TPM4: variants seen among roughly 807,000 people sequenced by gnomAD.
TPM4 encodes the protein tropomyosin alpha-4 chain.
In TPM4, 17 loss-of-function variants were observed where a neutral mutation model predicts 35.8. The ratio of observed to expected loss-of-function variants is 0.47; its 90% CI spans 0.32 to 0.71. TPM4 has a LOEUF of 0.71. Among genes scored for constraint, TPM4 ranks in the 30% least tolerant of loss-of-function variants. TPM4 has a pLI of 0.03. For synonymous variants in TPM4, 120 were observed against 122.9 expected (o/e 0.98, Z 0.15); for missense variants, 240 against 320.9 (o/e 0.75, Z 1.93).
chr19:16,088,761 C>T, intron 4 of TPM4: 12 of 1,170,600 alleles, frequency 1.0e-5, no homozygotes, highest in Non-Finnish European at 1.2e-5. Flanking sequence ...ATAGATTTCA[C>T]AAGTCCTTGC....
At chr19:16,092,610 A>G (rs184495600) in intron 5 of TPM4, among the ~76,000 whole-genome samples, 32 of 150,400 alleles carry the variant, frequency 2.1e-4, no homozygotes, top group Admixed American at 4.0e-4. Context: ...ATCTGGCCTC[A>G]CTACAGCCTC....
chr19:16,093,337 A>G (rs1444739126), intron 5 of TPM4, among the ~76,000 whole-genome samples, 199 bp from the exon 6 acceptor site: 1 of 151,994 alleles, frequency 6.6e-6, no homozygotes. Flanking sequence ...CTGGGACTAC[A>G]GCTGCATGCC....
upstream of TPM4, chr19:16,075,910 C>T: frequency 1.6e-6 from 2 of 1,273,744 alleles, no homozygotes; most frequent in Non-Finnish European, 2.1e-6. Context: ...CTATCGCAAC[C>T]CCTGTTCTAC....
intron 7 of TPM4, among the ~76,000 whole-genome samples, chr19:16,097,920 C>G (rs1170321956): frequency 6.6e-6 from 1 of 152,154 alleles, no homozygotes; most frequent in East Asian, 1.9e-4. Context: ...CTCCCTGCTC[C>G]TAACTGCCGT....
At chr19:16,072,828 G>C (rs1373910334), upstream of TPM4, among the ~76,000 whole-genome samples, 2 of 152,130 alleles carry the variant, frequency 1.3e-5, no homozygotes, top group Non-Finnish European at 2.9e-5. Flanking sequence ...AAGCACTTGA[G>C]CCAGGGAGGT....
At chr19:16,088,455 A>C in intron 4 of TPM4, 1 of 1,087,768 alleles carries the variant, frequency 9.2e-7, no homozygotes, top group Non-Finnish European at 1.1e-6. Flanking sequence ...TCCCCCGGTC[A>C]GTATGTAAAT....
chr19:16,080,857 A>G (rs2090474272), intron 1 of TPM4: 1 of 394,606 alleles, frequency 2.5e-6, no homozygotes, highest in Non-Finnish European at 4.5e-6. Flanking sequence ...CCAGCCCAGC[A>G]CTTTTTGGCC....
intron 5 of TPM4, 127 bp downstream of exon 5, chr19:16,089,247 C>T: frequency 8.0e-7 from 1 of 1,248,786 alleles, no homozygotes. Context: ...TGGTGCCTGG[C>T]AGCCAGGGTT....
At chr19:16,088,447 C>T (rs2090586112) in intron 4 of TPM4, 2 of 1,111,214 alleles carry the variant, frequency 1.8e-6, no homozygotes, top group Non-Finnish European at 2.2e-6. Context: ...AGGCAGGCTC[C>T]CCCGGTCAGT....
intron 1 of TPM4, 109 bp from the exon 2 acceptor site, chr19:16,081,804 T>C: frequency 7.3e-7 from 1 of 1,378,854 alleles, no homozygotes; most frequent in African/African-American, 1.4e-5. Flanking sequence ...GACTCCTGGG[T>C]GGGCTTTGAC....
chr19:16,100,290 A>G (rs1375824526), intron 7 of TPM4: 1 of 152,206 alleles, frequency 6.6e-6, no homozygotes, highest in Non-Finnish European at 1.5e-5. Flanking sequence ...AAAATACAGG[A>G]CACCAACTTA....
intron 1 of TPM4, among the ~76,000 whole-genome samples, chr19:16,078,344 C>G (rs975758658): frequency 6.6e-6 from 1 of 152,114 alleles, no homozygotes; most frequent in African/African-American, 2.4e-5. Context: ...CCCAAAAGCC[C>G]TGAAAGTTCA....
In TPM4 at chr19:16,070,120, C is replaced by T. The variant is rs976598698; in HGVS notation, c.114+2382C>T. 1.3e-5 allele frequency among the ~76,000 whole-genome samples: 2 copies of T among 152,032 alleles called. No homozygotes were observed. Among genetic ancestry groups the T allele is most frequent in the African/African-American group, 4.8e-5 (2 of 41,358 alleles). ...AATCTCATTGTGTATGTGGGGGTGT[C>T]CCTGCTAAAAGCCTGGAGGCCGGGG... is the stretch of plus-strand genomic sequence containing the variant. On this transcript the variant is annotated intron_variant, in intron 2 of 2. Coordinates refer to the TPM4 transcript ENST00000589897. This position sits in a 1 kb window ranked among gnomAD's most constrained non-coding sequence, Gnocchi z 7.4.
intron 7 of TPM4, chr19:16,099,644 T>G (rs1348898169): frequency 6.6e-6 from 1 of 152,100 alleles, no homozygotes; most frequent in Non-Finnish European, 1.5e-5. Context: ...TCTGTAAATT[T>G]CCAGGCTGAT....
intron 2 of TPM4, chr19:16,068,049 C>CTAGA: frequency 4.7e-6 from 2 of 429,958 alleles, no homozygotes; most frequent in Non-Finnish European, 8.4e-6. Flanking sequence ...AGGTTGTGTA[C>CTAGA]TAGATAGGGC....
chr19:16,076,134 CAGG>C (rs1568299389), upstream of TPM4: 17 of 1,579,600 alleles, frequency 1.1e-5, no homozygotes, highest in Admixed American at 1.8e-5. Flanking sequence ...GAAGGACGCG[CAGG>C]AGAAGCTGGA....
chr19:16,093,788 T>G (rs2090658133), intron 7 of TPM4, 35 bp downstream of exon 7: 1 of 1,610,236 alleles, frequency 6.2e-7, no homozygotes, highest in Admixed American at 1.7e-5. Flanking sequence ...TGCCTTGCCC[T>G]GCCTTCCCCT....
At chr19:16,081,385 C>G in intron 1 of TPM4, 1 of 254,218 alleles carries the variant, frequency 3.9e-6, no homozygotes, top group Non-Finnish European at 7.3e-6. Context: ...CCATCTTGTA[C>G]TGGGACACTC....
upstream of TPM4, chr19:16,075,954 G>C: frequency 6.7e-7 from 1 of 1,485,228 alleles, no homozygotes; most frequent in Non-Finnish European, 9.0e-7. Flanking sequence ...GAGAGACGGA[G>C]GACTCTTGTG....
Sources: allele counts gnomAD v4.1 joint callset (sites outside exome capture counted in the v4.1 genomes callset), GRCh38; gene constraint gnomAD v4.1.1; non-coding constraint Gnocchi (gnomAD v3.1); transcripts MANE v1.5; gene names NCBI Gene and HGNC (gene_info 2026-07-23, HGNC 2026-07-21).